Variants in COL11A1 observed in about 807,000 individuals in gnomAD.
COL11A1 encodes collagen type XI alpha 1 chain, also known as collagen alpha-1(XI) chain.
In COL11A1, 74 loss-of-function variants were observed where a neutral mutation model predicts 265.2. The observed-to-expected ratio is 0.28, with a 90% confidence interval of 0.23 to 0.34. COL11A1 has a LOEUF of 0.34. Ranked by LOEUF, COL11A1 falls within the 10% of genes least tolerant of loss-of-function variation. The probability of loss-of-function intolerance (pLI) is 1.00; values close to 1 mark genes in which losing one functional copy is unlikely to be tolerated. For missense variants in COL11A1, 2,165 were observed against 2,263.6 expected, an observed-to-expected ratio of 0.96 and a Z score of 0.88; for synonymous variants, 816 against 727.6, an observed-to-expected ratio of 1.12 and a Z score of -1.96.
In COL11A1 at chr1:103,022,854, A is replaced by C. The variant is rs1031060897; in HGVS notation, c.1133T>G (p.Leu378Ter). The C allele has an allele frequency of 1.2e-6, 2 of 1,613,850 alleles. No homozygotes were observed. Among genetic ancestry groups the C allele is most frequent in the Non-Finnish European group, 1.7e-6 (2 of 1,179,966 alleles). Residue 378 changes from leucine to a stop codon, truncating the protein, a stop_gained, in exon 8 of 67, where the codon TTA becomes TGA. Coordinates refer to ENST00000370096, the MANE Select transcript of COL11A1 (RefSeq NM_001854.4). LOFTEE classifies it high-confidence loss of function. ...ATATTCATAAAAATCATATTCGCCT[A>C]AATCTCCATCTACCAGAAGATCAGA... is the stretch of plus-strand genomic sequence containing the variant. ...RDSDLLVDGDLGEYDFYEYKE... is the reference protein window; with the variant it reads ...RDSDLLVDGD
chr1:102,930,929 G>A (rs1399847775), intron 46 of COL11A1, among the ~76,000 whole-genome samples: 2 of 150,460 alleles, frequency 1.3e-5, no homozygotes, highest in Non-Finnish European at 3.0e-5. Context: ...CTGTGGGATC[G>A]GTGGTGATAT....
intron 45 of COL11A1, 89 bp downstream of exon 45, chr1:102,934,971 C>A: frequency 8.1e-7 from 1 of 1,237,634 alleles, no homozygotes; most frequent in Non-Finnish European, 1.2e-6. Flanking sequence ...ACTTATTACC[C>A]CACAAAATTG....
chr1:103,004,497 G>T lies in COL11A1; in HGVS notation c.1900-9C>A. ...ATTTCTCCATCTTCTCCCTGTCATT[G>T]ACAAAATGAATGAGAGTATAGAACA... is the stretch of plus-strand genomic sequence containing the variant. On this transcript the variant is annotated splice_polypyrimidine_tract_variant and intron_variant, in intron 19 of 66. Transcript: ENST00000370096. 1.2e-6 allele frequency: 2 copies of T among 1,610,952 alleles called. No homozygotes were observed. The highest frequency in any genetic ancestry group is 1.3e-5 in the African/African-American group (1 of 74,958).
At chr1:102,905,808 T>C (rs998147760) in intron 54 of COL11A1, among the ~76,000 whole-genome samples, 1 of 152,166 alleles carries the variant, frequency 6.6e-6, no homozygotes, top group Admixed American at 6.6e-5. Flanking sequence ...CAATATACTA[T>C]ACTCTGAAAG....
intron 29 of COL11A1, among the ~76,000 whole-genome samples, chr1:102,988,609 T>C (rs954693595): frequency 6.6e-6 from 1 of 151,422 alleles, no homozygotes; most frequent in Non-Finnish European, 1.5e-5. Context: ...AAAAGAGGCT[T>C]GAAAGTGTTT....
intron 44 of COL11A1, among the ~76,000 whole-genome samples, chr1:102,937,344 C>T (rs1046850863): frequency 4.0e-5 from 6 of 151,600 alleles, no homozygotes; most frequent in Admixed American, 3.9e-4. Context: ...TGGCTTCTGT[C>T]GAGTGTATAA....
At chr1:102,989,025 TTC>T (rs577242500) in intron 29 of COL11A1, among the ~76,000 whole-genome samples, 22 of 152,246 alleles carry the variant, frequency 1.4e-4, no homozygotes, top group Non-Finnish European at 2.9e-4. Flanking sequence ...TAACTAATAT[TTC>T]TGTTTGTTTT....
chr1:103,105,716 A>G lies in COL11A1; in HGVS notation c.106+2357T>C, dbSNP rs891327087. 1.2e-3 allele frequency among the ~76,000 whole-genome samples: 178 copies of G among 152,308 alleles called. 1 individual carries two copies. Among genetic ancestry groups the G allele is most frequent in the African/African-American group, 4.1e-3 (171 of 41,570 alleles). On this transcript the variant is annotated intron_variant, in intron 1 of 66. Transcript: ENST00000370096. ...AAATCTTACTTCAACCACAAATCTA[A>G]AGGTTATTATCAGAAGTGGACACTG...
intron 56 of COL11A1, 127 bp downstream of exon 56, chr1:102,898,539 A>C: frequency 1.5e-6 from 1 of 685,040 alleles, no homozygotes; most frequent in Non-Finnish European, 2.5e-6. Context: ...TTATATTTAC[A>C]GAATTCCCAC....
Position 102,915,773 on chromosome 1 carries a change from A to T in COL11A1, c.3763-89T>A. 5 of 1,055,454 alleles carry T rather than the reference A, an allele frequency of 4.7e-6. No homozygotes were observed. In the Admixed American group the frequency reaches 1.2e-4, roughly 25 times the overall value. The allele number at this position is 1,055,454 out of a possible 1,614,324, so 65.4% of individuals were successfully genotyped here. On this transcript the variant is annotated intron_variant, in intron 49 of 66. Transcript: ENST00000370096. ...AAATGTTATCATATCATTTTAGATT[A>T]GCCCTTATTTTTTTATATTATTTAA...
At chr1:103,083,448 A>T (rs1452450929) in intron 1 of COL11A1, among the ~76,000 whole-genome samples, 3 of 152,008 alleles carry the variant, frequency 2.0e-5, no homozygotes, top group African/African-American at 7.2e-5. Flanking sequence ...AACAGTTACT[A>T]ATAAACTATT....
At chr1:103,015,598 T>C in intron 12 of COL11A1, 70 bp downstream of exon 12, 1 of 1,179,654 alleles carries the variant, frequency 8.5e-7, no homozygotes, top group Non-Finnish European at 1.2e-6. Flanking sequence ...TTCAATATGG[T>C]TCAACAATAA....
chr1:103,006,437 C>T, intron 15 of COL11A1, 122 bp from the exon 16 acceptor site: 1 of 524,046 alleles, frequency 1.9e-6, no homozygotes, highest in Non-Finnish European at 3.1e-6. Flanking sequence ...CATTCAAACA[C>T]AAGAAAATTA....
chr1:103,097,262 T>C (rs991226665), intron 1 of COL11A1, among the ~76,000 whole-genome samples: 2 of 151,954 alleles, frequency 1.3e-5, no homozygotes, highest in Non-Finnish European at 2.9e-5. Flanking sequence ...TTGTGTTATG[T>C]GTCCCCCGCC....
At chr1:103,054,385 C>A (rs1487080019) in intron 4 of COL11A1, among the ~76,000 whole-genome samples, 1 of 152,132 alleles carries the variant, frequency 6.6e-6, no homozygotes, top group African/African-American at 2.4e-5. Flanking sequence ...CTATGCTACT[C>A]TAACAAGAGT....
chr1:102,889,219 A>C (rs1254124379), intron 59 of COL11A1, among the ~76,000 whole-genome samples: 2 of 152,108 alleles, frequency 1.3e-5, no homozygotes, highest in Non-Finnish European at 2.9e-5. Flanking sequence ...AATTTAGTAC[A>C]TGTTTGTTTA....
intron 46 of COL11A1, 149 bp downstream of exon 46, chr1:102,934,300 T>C (rs1657913917): frequency 1.6e-6 from 1 of 639,160 alleles, no homozygotes; most frequent in Admixed American, 2.8e-5. Flanking sequence ...CAGCTGCTCA[T>C]TTAAAAATAA....
intron 1 of COL11A1, among the ~76,000 whole-genome samples, chr1:103,107,842 C>CT (rs945398015): frequency 6.6e-6 from 1 of 152,086 alleles, no homozygotes; most frequent in Non-Finnish European, 1.5e-5. Context: ...CCTGACAGAT[C>CT]TTTTTTTCCT....
At chr1:103,100,623 A>G (rs1051108103) in intron 1 of COL11A1, 2 of 151,898 alleles carry the variant, frequency 1.3e-5, no homozygotes, top group African/African-American at 4.8e-5. Context: ...ATGACCTGGT[A>G]TTTTCTGTGG....
Sources: gnomAD v4.1 joint callset for allele counts (sites outside exome capture counted in the v4.1 genomes callset) on GRCh38, gnomAD v4.1.1 for gene constraint, MANE v1.5 for transcripts, NCBI Gene and HGNC (gene_info 2026-07-23, HGNC 2026-07-21) for gene names.